The following TJP2 variants were observed in gnomAD, a reference collection of about 807,000 sequenced individuals.
TJP2 encodes the protein tight junction protein 2.
A neutral mutation model predicts 133.1 loss-of-function variants in TJP2; 91 were observed. The ratio of observed to expected loss-of-function variants is 0.68; its 90% CI spans 0.58 to 0.81. TJP2 has a LOEUF of 0.81. TJP2 is among the 40% of genes least tolerant of loss of function. The pLI is 0.00. For synonymous variants in TJP2, 592 were observed against 583.4 expected (o/e 1.01, Z -0.21); for missense variants, 1,541 against 1,565.6 (o/e 0.98, Z 0.26).
upstream of TJP2, chr9:69,121,318 C>G (rs1822127788): frequency 4.1e-6 from 4 of 985,452 alleles, no homozygotes; most frequent in Non-Finnish European, 4.8e-6. Flanking sequence ...AGCTGCGTCT[C>G]CCTCCCGGGG....
chr9:69,127,811 C>T lies in TJP2; in HGVS notation c.-131+6086C>T, dbSNP rs1360227491. On this transcript the variant is annotated intron_variant, in intron 1 of 5. Coordinates refer to the TJP2 transcript ENST00000423935. ...GTTTATCTATGGGAGCCGTGGTTTA[C>T]TCCAGTAATCCCACTCCTTTGGGGG... is the stretch of plus-strand genomic sequence containing the variant. Among the ~76,000 whole-genome samples, 2 of 76,730 alleles carry T rather than the reference C, an allele frequency of 2.6e-5. 1 individual carries two copies. The highest frequency in any genetic ancestry group is 8.0e-5 in the African/African-American group (2 of 25,068). The allele number at this position is 76,730 out of a possible 152,430, so 50.3% of individuals were successfully genotyped here.
chr9:69,137,282 T>C (rs1822801015), intron 1 of TJP2, among the ~76,000 whole-genome samples: 1 of 107,866 alleles, frequency 9.3e-6, no homozygotes, highest in African/African-American at 3.8e-5. Context: ...TTTCTTTCTT[T>C]CTTTCTTTCT....
In TJP2 at chr9:69,221,353, G is replaced by T. The variant is rs1257893852; in HGVS notation, c.809G>T (p.Arg270Met). 2 of 1,584,914 alleles carry T rather than the reference G, an allele frequency of 1.3e-6. No individual in the cohort carries two copies. The highest frequency in any genetic ancestry group is 1.7e-6 in the Non-Finnish European group (2 of 1,165,808). ...DYERAYSPEY[R>M]RGARHDARSR... is the part of the protein sequence containing the mutation. ...GAGCGGGCCTACAGCCCGGAGTACA[G>T]GCGCGGGGCCCGCCACGATGCCCGC... The change falls in exon 5 of 23, where the codon AGG becomes ATG. Residue 270 changes from arginine to methionine, a missense_variant. By Grantham distance (91) the Arg-to-Met change is moderately conservative (BLOSUM62 -1). Coordinates refer to ENST00000377245, the MANE Select transcript of TJP2 (RefSeq NM_004817.4).
rs560023645 is a variant in TJP2 at position 69,240,215 on chromosome 9, ATAAT to A, written c.2566+77_2566+80del. On this transcript the variant is annotated intron_variant, in intron 17 of 22. Coordinates refer to ENST00000377245, the MANE Select transcript of TJP2 (RefSeq NM_004817.4). ...AATAAAGAATTGAAGAGTAGAAGAA[ATAAT>A]TAATTAATCTGAATGGAGAATTTGA... The A allele has an allele frequency of 1.8e-4, 249 of 1,369,942 alleles. 1 individual carries two copies. Among genetic ancestry groups the A allele is most frequent in the South Asian group, 9.9e-4 (79 of 80,166 alleles). The allele number at this position is 1,369,942 out of a possible 1,614,324, so 84.9% of individuals were successfully genotyped here. A position where few individuals can be genotyped will look rare whatever the true frequency, so the allele number is the denominator to read the frequency against.
intron 1 of TJP2, among the ~76,000 whole-genome samples, chr9:69,138,827 G>A (rs1317585353): frequency 1.3e-5 from 2 of 152,224 alleles, no homozygotes; most frequent in African/African-American, 2.4e-5. Flanking sequence ...TGAGGCAGGA[G>A]AATTGCTTGA....
chr9:69,169,532 G>A (rs1378454462), upstream of TJP2, among the ~76,000 whole-genome samples: 2 of 151,454 alleles, frequency 1.3e-5, no homozygotes, highest in Non-Finnish European at 2.9e-5. Flanking sequence ...TAATTTTTTT[G>A]TATTTTTAGT....
intron 1 of TJP2, among the ~76,000 whole-genome samples, chr9:69,136,605 TAA>T (rs1309813555): frequency 1.3e-5 from 2 of 152,224 alleles, no homozygotes; most frequent in Non-Finnish European, 2.9e-5. Context: ...CAAAGTGTCT[TAA>T]AGACTTTGCG....
intron 1 of TJP2, among the ~76,000 whole-genome samples, chr9:69,184,898 C>T (rs1187521234): frequency 6.6e-6 from 1 of 151,154 alleles, no homozygotes; most frequent in South Asian, 2.1e-4. Flanking sequence ...CACGGGCATG[C>T]GCCACCATAC....
intron 2 of TJP2, 127 bp downstream of exon 2, chr9:69,212,728 GATACTAA>G: frequency 1.4e-6 from 1 of 712,936 alleles, no homozygotes; most frequent in Non-Finnish European, 2.5e-6. Flanking sequence ...ATGTATTATA[GATACTAA>G]CTGGCAATAA....
rs113850314 is a variant in TJP2 at position 69,252,673 on chromosome 9, G to A, written c.3322-142G>A. On this transcript the variant is annotated intron_variant, in intron 21 of 22. Transcript: ENST00000377245. ...ACATAACCATGGAAATGAGGAGGCCGCTTCTGTGTTTCCTCTTCTTGAAAT... is the reference window on the plus strand; with the variant it reads ...ACATAACCATGGAAATGAGGAGGCCACTTCTGTGTTTCCTCTTCTTGAAAT... 2.3e-4 allele frequency: 178 copies of A among 788,648 alleles called. No homozygotes were observed. In the African/African-American group the frequency reaches 2.4e-3, roughly 11 times the overall value. The allele number at this position is 788,648 out of a possible 1,614,324, so 48.9% of individuals were successfully genotyped here. A position where few individuals can be genotyped will look rare whatever the true frequency, so the allele number is the denominator to read the frequency against.
At chr9:69,153,890 G>A (rs1488736995) in intron 2 of TJP2, among the ~76,000 whole-genome samples, 3 of 152,148 alleles carry the variant, frequency 2.0e-5, no homozygotes, top group African/African-American at 7.2e-5. Context: ...GGACGAATCA[G>A]CCTTGGGTGA....
intron 6 of TJP2, 130 bp from the exon 7 acceptor site, chr9:69,225,892 G>T (rs1049031881): frequency 8.5e-6 from 8 of 944,966 alleles, no homozygotes; most frequent in Non-Finnish European, 1.1e-5. Context: ...CATTTTTATT[G>T]AGTCATCCTA....
chr9:69,248,364 T>C, intron 19 of TJP2, 140 bp downstream of exon 19: 1 of 1,448,378 alleles, frequency 6.9e-7, no homozygotes, highest in South Asian at 1.5e-5. Context: ...TCTCTCGCTT[T>C]GAGTCCACGC....
chr9:69,166,230 C>T (rs971679507), intron 2 of TJP2, among the ~76,000 whole-genome samples: 2 of 152,110 alleles, frequency 1.3e-5, no homozygotes, highest in African/African-American at 2.4e-5. Context: ...CTTGCTTCAG[C>T]CTCCCAAGTA....
intron 17 of TJP2, among the ~76,000 whole-genome samples, chr9:69,241,083 A>G (rs189297110): frequency 1.2e-3 from 181 of 152,276 alleles, no homozygotes; most frequent in Non-Finnish European, 2.1e-3. Flanking sequence ...TGATATGTAC[A>G]TCGGAGTTCA....
At chr9:69,193,961 C>T (rs1472712695) in intron 1 of TJP2, among the ~76,000 whole-genome samples, 2 of 152,036 alleles carry the variant, frequency 1.3e-5, no homozygotes, top group African/African-American at 2.4e-5. Context: ...TCAGTTATTA[C>T]GTTTATGGTA....
At chr9:69,198,159 T>TTTG (rs10674501) in intron 1 of TJP2, among the ~76,000 whole-genome samples, 2,381 of 133,046 alleles carry the variant, frequency 0.018, 107 homozygotes, top group African/African-American at 0.051. Flanking sequence ...TTTTTTTTTT[T>TTTG]GAGACTGAGT....
chr9:69,227,308 A>G (rs1829425090), intron 7 of TJP2, among the ~76,000 whole-genome samples: 1 of 152,170 alleles, frequency 6.6e-6, no homozygotes, highest in Admixed American at 6.5e-5. Flanking sequence ...TGTGGTCCTC[A>G]TCCCCCAACC....
intron 2 of TJP2, among the ~76,000 whole-genome samples, chr9:69,155,215 A>G (rs1315009198): frequency 1.5e-5 from 2 of 135,048 alleles, no homozygotes; most frequent in South Asian, 2.6e-4. Context: ...CGAAAGAGTG[A>G]AACTCCATTT....
Sources: gnomAD v4.1 joint callset for allele counts (sites outside exome capture counted in the v4.1 genomes callset) on GRCh38, gnomAD v4.1.1 for gene constraint, MANE v1.5 for transcripts, NCBI Gene and HGNC (gene_info 2026-07-23, HGNC 2026-07-21) for gene names.